SLFN13: variants seen among roughly 807,000 people sequenced by gnomAD.
SLFN13 encodes schlafen-13.
In SLFN13, 43 loss-of-function variants were observed where a neutral mutation model predicts 50.6. That is an observed-to-expected ratio of 0.85 (90% confidence interval 0.67 to 1.09). SLFN13 has a LOEUF of 1.09. Among genes scored for constraint, SLFN13 ranks in the 50% least tolerant of loss-of-function variants. The pLI, the probability that SLFN13 is intolerant of heterozygous loss-of-function variation, is 0.00. For synonymous variants in SLFN13, 339 were observed against 386.5 expected (o/e 0.88, Z 1.44); for missense variants, 881 against 1,071.1 (o/e 0.82, Z 2.48).
intron 4 of SLFN13, among the ~76,000 whole-genome samples, chr17:35,442,690 G>A (rs12450604): frequency 0.035 from 5,387 of 152,160 alleles, 166 homozygotes; most frequent in East Asian, 0.16. Flanking sequence ...TGATCTGCCC[G>A]CCTCGGCCTC....
rs1052029024 is a variant in SLFN13 at position 35,435,347 on chromosome 17, C to T, written c.*5248G>A. ...CTGGTTGTTTTTAGCCCACTGCAGC[C>T]TTCACCTCCTGGGCTCCAGTGATCC... is the stretch of plus-strand genomic sequence containing the variant. On this transcript the variant is annotated 3_prime_UTR_variant, in exon 6 of 6. Coordinates refer to ENST00000285013, the MANE Select transcript of SLFN13 (RefSeq NM_144682.6). 2 of 152,126 alleles carry T rather than the reference C, an allele frequency of 1.3e-5. No homozygotes were observed. Among genetic ancestry groups the T allele is most frequent in the Non-Finnish European group, 2.9e-5 (2 of 68,056 alleles). 9.4% of individuals were successfully genotyped at this position (152,126 alleles called of 1,614,324 possible). A position where few individuals can be genotyped will look rare whatever the true frequency, so the allele number is the denominator to read the frequency against.
At chr17:35,444,478 C>T (rs1239030762) in intron 3 of SLFN13, 137 bp downstream of exon 3, 9 of 768,112 alleles carry the variant, frequency 1.2e-5, no homozygotes, top group Non-Finnish European at 1.6e-5. Flanking sequence ...TAAAACTTCC[C>T]ATCTATGAAA....
rs760668587 is a variant in SLFN13 at position 35,443,872 on chromosome 17, GAT to G, written c.1113_1114del (p.Ser372Ter). 1 of 1,613,856 alleles carries G rather than the reference GAT, an allele frequency of 6.2e-7. No individual in the cohort carries two copies. Among genetic ancestry groups the G allele is most frequent in the South Asian group, 1.1e-5 (1 of 91,064 alleles). On this transcript the variant is annotated frameshift_variant, in exon 4 of 6. Transcript: ENST00000285013. LOFTEE classifies it high-confidence loss of function. The stretch of plus-strand genomic sequence containing the variant: ...TGGTCTGCAAAGTGAAGGACTGTCA[GAT>G]AGACTCAACTGAGACTCAAAGGCCT...
rs1198909766 is a variant in SLFN13, at chr17:35,445,216, C to T, written c.465G>A (p.Lys155=). 3.7e-6 allele frequency: 6 copies of T among 1,613,764 alleles called. No individual in the cohort carries two copies. In the African/African-American group the frequency reaches 5.3e-5, roughly 14 times the overall value. The change falls in exon 3 of 6, where the codon AAG becomes AAA. Residue 155 remains lysine, a synonymous_variant. Coordinates refer to ENST00000285013, the MANE Select transcript of SLFN13 (RefSeq NM_144682.6). ...TATATTTGGACTGTCTTTCCTTGGTCTTCAGGAAATCGAATGCCTGTCTTG... is the reference window on the plus strand; with the variant it reads ...TATATTTGGACTGTCTTTCCTTGGTTTTCAGGAAATCGAATGCCTGTCTTG... ...MNSRQAFDFL[K]TKERQSKYNL...
rs11337992 is a variant in SLFN13 at position 35,438,107 on chromosome 17, T to TAA, written c.*2486_*2487dup. ...GAAACACAGTGAGACCTTTTCTCTT[T>TAA]AAAAAAAAAAAAAAAAAAAATTTAC... On this transcript the variant is annotated 3_prime_UTR_variant, in exon 6 of 6. Transcript: ENST00000285013. 2,548 of 141,338 alleles carry TAA rather than the reference T, an allele frequency of 0.018. 35 individuals are homozygous for TAA. Among genetic ancestry groups the TAA allele is most frequent in the East Asian group, 0.066 (322 of 4,884 alleles). The allele number at this position is 141,338 out of a possible 1,614,324, so 8.8% of individuals were successfully genotyped here.
rs1380439738 is a variant in SLFN13, at chr17:35,440,285, C to T, written c.*310G>A. 2.0e-5 allele frequency: 6 copies of T among 293,546 alleles called. No individual in the cohort carries two copies. The highest frequency in any genetic ancestry group is 1.3e-4 in the African/African-American group (6 of 46,228). 18.2% of individuals were successfully genotyped at this position (293,546 alleles called of 1,614,324 possible). On this transcript the variant is annotated 3_prime_UTR_variant, in exon 6 of 6. Coordinates refer to ENST00000285013, the MANE Select transcript of SLFN13 (RefSeq NM_144682.6). ...CAGGCTGAGTTTCTTATTTTTATGG[C>T]TTTTACCCAGAGAGCAAGACACAGG...
intron 3 of SLFN13, among the ~76,000 whole-genome samples, chr17:35,444,259 A>C (rs1479162158): frequency 1.3e-5 from 2 of 152,224 alleles, no homozygotes; most frequent in Non-Finnish European, 2.9e-5. Context: ...ACCTCAACTT[A>C]AACAAACCTC....
Position 35,441,295 on chromosome 17 carries a change from A to G in SLFN13, c.1994T>C (p.Ile665Thr), listed in dbSNP as rs1912872704. Residue 665 changes from isoleucine (I) to threonine (T), a missense_variant, in exon 6 of 6, where the codon ATC becomes ACC. This residue lies in a region of SLFN13 where 322 missense variants were observed against 327.4 expected (regional missense o/e 0.98). Transcript: ENST00000285013. ...GAAATTCTGAGCTTCGTCAATGACG[A>G]TGTGTTGAATGTGTTCAAATTTTTC... ...LREKFEHIQH[I>T]VIDEAQNFRT... 2 of 1,613,544 alleles carry G rather than the reference A, an allele frequency of 1.2e-6. No individual in the cohort carries two copies. The highest frequency in any genetic ancestry group is 1.7e-6 in the Non-Finnish European group (2 of 1,179,856).
Position 35,440,688 on chromosome 17 carries a change from C to T in SLFN13, c.2601G>A (p.Gly867=). Residue 867 remains glycine (G), a synonymous_variant, in exon 6 of 6, where the codon GGG becomes GGA. Transcript: ENST00000285013. ...FSGLERSIVF[G]IHPRTADPAI... The stretch of plus-strand genomic sequence containing the variant: ...CTGGGTCAGCTGTCCTTGGATGGAT[C>T]CCAAACACTATGCTCCTTTCCAGGC... 2 of 1,614,096 alleles carry T rather than the reference C, an allele frequency of 1.2e-6. No individual in the cohort carries two copies. Among genetic ancestry groups the T allele is most frequent in the East Asian group, 2.2e-5 (1 of 44,886 alleles).
rs1381453093 is a variant in SLFN13, at chr17:35,445,174, C to A, written c.507G>T (p.Gly169=). The A allele has an allele frequency of 2.5e-6, 4 of 1,613,132 alleles. No homozygotes were observed. Among genetic ancestry groups the A allele is most frequent in the Non-Finnish European group, 3.4e-6 (4 of 1,179,990 alleles). ...RQSKYNLINE[G]SPPSKIMKAV... ...CTTTCATAATTTTACTAGGTGGAGA[C>A]CCTTCATTAATCAGATTATATTTGG... The change falls in exon 3 of 6, where the codon GGG becomes GGT. Residue 169 remains glycine, a synonymous_variant. Transcript: ENST00000285013.
rs1295889438 is a variant in SLFN13 at position 35,439,061 on chromosome 17, G to C, written c.*1534C>G. ...ACATAGGTGCCAGCAGGGTGGGGGGGGGGGTTCATTGTGAGGCTTCTCCTC... is the reference window on the plus strand; with the variant it reads ...ACATAGGTGCCAGCAGGGTGGGGGGCGGGGTTCATTGTGAGGCTTCTCCTC... On this transcript the variant is annotated 3_prime_UTR_variant, in exon 6 of 6. Coordinates refer to ENST00000285013, the MANE Select transcript of SLFN13 (RefSeq NM_144682.6). 1 of 140,720 alleles carries C rather than the reference G, an allele frequency of 7.1e-6. No individual in the cohort carries two copies. Among genetic ancestry groups the C allele is most frequent in the East Asian group, 2.3e-4 (1 of 4,266 alleles). 8.7% of individuals were successfully genotyped at this position (140,720 alleles called of 1,614,324 possible).
Position 35,445,290 on chromosome 17 carries a change from T to G in SLFN13, c.391A>C (p.Ser131Arg). 3 of 1,613,906 alleles carry G rather than the reference T, an allele frequency of 1.9e-6. No individual in the cohort carries two copies. The highest frequency in any genetic ancestry group is 2.5e-6 in the Non-Finnish European group (3 of 1,179,974). ...GSFNSRICSL[S>R]SSLYCRSGTS... ...CCAGATCTACAGTATAATGAAGAAC[T>G]AAGGCTGCAAATGCGGGAATTGAAA... Residue 131 changes from serine to arginine, a missense_variant, in exon 3 of 6, where the codon AGT (serine) becomes CGT (arginine). By Grantham distance (110) the Ser-to-Arg change is moderately radical. Coordinates refer to ENST00000285013, the MANE Select transcript of SLFN13 (RefSeq NM_144682.6).
Position 35,442,943 on chromosome 17 carries a change from G to T in SLFN13, c.1199-657C>A, listed in dbSNP as rs117868647. Among the ~76,000 whole-genome samples the T allele has an allele frequency of 3.6e-3, 544 of 152,286 alleles. 11 individuals are homozygous for T. The East Asian group carries it at 0.059, about 16-fold the overall frequency. On this transcript the variant is annotated intron_variant, in intron 4 of 5. Coordinates refer to ENST00000285013, the MANE Select transcript of SLFN13 (RefSeq NM_144682.6). ...TTAAAAACTTTTCTGATAAGCTAAT[G>T]ACTATAAAGCTCTCAGGTAAGTAAA...
intron 4 of SLFN13, 98 bp downstream of exon 4, chr17:35,443,691 A>C (rs1002778003): frequency 3.6e-5 from 49 of 1,345,624 alleles, no homozygotes; most frequent in Non-Finnish European, 4.7e-5. Flanking sequence ...CACTGTGTAC[A>C]CCTGGATCTG....
rs1417703656 is a variant in SLFN13 at position 35,440,547 on chromosome 17, T to C, written c.*48A>G. On this transcript the variant is annotated 3_prime_UTR_variant, in exon 6 of 6. Coordinates refer to ENST00000285013, the MANE Select transcript of SLFN13 (RefSeq NM_144682.6). ...TCTACCATCAGCAGACTGTCACCCA[T>C]AGACATTTACACAGTATTTTGGTTT... 7 of 1,590,988 alleles carry C rather than the reference T, an allele frequency of 4.4e-6. No individual in the cohort carries two copies. The highest frequency in any genetic ancestry group is 2.7e-5 in the African/African-American group (2 of 74,398).
chr17:35,436,943 A>G lies in SLFN13; in HGVS notation c.*3652T>C, dbSNP rs974161203. ...TGATATAATTCAATAAAGTCTACAGATTAGATAATAGTATCAGGGTTAATT... is the reference window on the plus strand; with the variant it reads ...TGATATAATTCAATAAAGTCTACAGGTTAGATAATAGTATCAGGGTTAATT... On this transcript the variant is annotated 3_prime_UTR_variant, in exon 6 of 6. Transcript: ENST00000285013. The G allele has an allele frequency of 6.6e-6, 1 of 152,178 alleles. No individual in the cohort carries two copies. The highest frequency in any genetic ancestry group is 2.4e-5 in the African/African-American group (1 of 41,460). 9.4% of individuals were successfully genotyped at this position (152,178 alleles called of 1,614,324 possible). A position where few individuals can be genotyped will look rare whatever the true frequency, so the allele number is the denominator to read the frequency against.
At position 35,438,690 on chromosome 17, in the gene SLFN13, T is replaced by C. The variant is rs1409128349; in HGVS notation, c.*1905A>G. On this transcript the variant is annotated 3_prime_UTR_variant, in exon 6 of 6. Coordinates refer to ENST00000285013, the MANE Select transcript of SLFN13 (RefSeq NM_144682.6). Reference sequence around the variant, plus strand: ...GGCTAGACAACTGGAATTCCATGAGTTAACACAAATAGGAGAAAGACTGGC... The same window carrying C: ...GGCTAGACAACTGGAATTCCATGAGCTAACACAAATAGGAGAAAGACTGGC... 6.6e-6 allele frequency: 1 copy of C among 152,104 alleles called. No individual in the cohort carries two copies. Among genetic ancestry groups the C allele is most frequent in the Non-Finnish European group, 1.5e-5 (1 of 68,016 alleles). 9.4% of individuals were successfully genotyped at this position (152,104 alleles called of 1,614,324 possible). A position where few individuals can be genotyped will look rare whatever the true frequency, so the allele number is the denominator to read the frequency against.
Position 35,445,603 on chromosome 17 carries a change from CAG to C in SLFN13, c.76_77del (p.Leu26GlyfsTer44), listed in dbSNP as rs1249158548. On this transcript the variant is annotated frameshift_variant, in exon 3 of 6. Coordinates refer to ENST00000285013, the MANE Select transcript of SLFN13 (RefSeq NM_144682.6). LOFTEE classifies it high-confidence loss of function. ...GTAGCTTTTTTCTGTTTTCTTCTCCCAGAGTCACTTCTCCGACATCGATGACC... is the reference window on the plus strand; with the variant it reads ...GTAGCTTTTTTCTGTTTTCTTCTCCCAGTCACTTCTCCGACATCGATGACC... ...DLVIDVGEVT[L>X]GEENRKKLQK... 2 of 1,614,102 alleles carry C rather than the reference CAG, an allele frequency of 1.2e-6. No individual in the cohort carries two copies. The highest frequency in any genetic ancestry group is 1.7e-6 in the Non-Finnish European group (2 of 1,180,004).
rs1277232143 is a variant in SLFN13, at chr17:35,440,279, T to G, written c.*316A>C. ...AGGCCACAGGCTGAGTTTCTTATTT[T>G]TATGGCTTTTACCCAGAGAGCAAGA... On this transcript the variant is annotated 3_prime_UTR_variant, in exon 6 of 6. Transcript: ENST00000285013. 3 of 279,574 alleles carry G rather than the reference T, an allele frequency of 1.1e-5. No individual in the cohort carries two copies. The highest frequency in any genetic ancestry group is 4.4e-5 in the African/African-American group (2 of 45,710). The allele number at this position is 279,574 out of a possible 1,614,324, so 17.3% of individuals were successfully genotyped here.
Sources: allele counts gnomAD v4.1 joint callset (sites outside exome capture counted in the v4.1 genomes callset), GRCh38; gene constraint gnomAD v4.1.1; regional missense constraint gnomAD v4.1.1; transcripts MANE v1.5; gene names NCBI Gene and HGNC (gene_info 2026-07-23, HGNC 2026-07-21).